Variants in HECW1 observed in about 807,000 individuals in gnomAD.
HECW1 encodes the protein HECT, C2 and WW domain containing E3 ubiquitin protein ligase 1, also known as E3 ubiquitin-protein ligase HECW1.
Under a neutral mutation model 182.3 loss-of-function variants are expected in HECW1, and 61 were observed. That is an observed-to-expected ratio of 0.33 (90% CI 0.27 to 0.41). HECW1 has a LOEUF of 0.41. HECW1 is among the 10% of genes least tolerant of loss of function. The pLI, the probability that HECW1 is intolerant of heterozygous loss-of-function variation, is 1.00. For synonymous variants in HECW1, 859 were observed against 832.6 expected (o/e 1.03, Z -0.55); for missense variants, 1,739 against 2,108.9 (o/e 0.82, Z 3.44).
At chr7:43,261,301 C>T (rs921047994) in intron 3 of HECW1, among the ~76,000 whole-genome samples, 1 of 152,176 alleles carries the variant, frequency 6.6e-6, no homozygotes, top group African/African-American at 2.4e-5. Context: ...AGCCTTATGT[C>T]TAGAGCTCCA....
At position 43,501,265 on chromosome 7, in the gene HECW1, C is replaced by T. The variant is rs371633447; in HGVS notation, c.3574C>T (p.Pro1192Ser). The T allele has an allele frequency of 3.7e-6, 6 of 1,610,428 alleles. No homozygotes were observed. Among genetic ancestry groups the T allele is most frequent in the African/African-American group, 1.3e-5 (1 of 74,340 alleles). ...SYVPLQAAFH[P>S]GYSFSPRCSP... ...CGTCCCCCTGCAGGCTGCCTTCCACCCTGGGTATAGCTTCTCTCCCCGATG... is the reference window on the plus strand; with the variant it reads ...CGTCCCCCTGCAGGCTGCCTTCCACTCTGGGTATAGCTTCTCTCCCCGATG... Residue 1192 changes from proline (P) to serine (S), a missense_variant, in exon 21 of 30, where the codon CCT becomes TCT. This residue lies in a region of HECW1 where 420 missense variants were observed against 595.7 expected (regional missense o/e 0.71). Transcript: ENST00000395891.
intron 3 of HECW1, among the ~76,000 whole-genome samples, chr7:43,270,177 G>A (rs1802235702): frequency 6.6e-6 from 1 of 152,166 alleles, no homozygotes. Context: ...ACTCAAAACA[G>A]CAATCATTTA....
chr7:43,428,940 C>CAT (rs1385590480), intron 8 of HECW1, among the ~76,000 whole-genome samples: 1 of 151,582 alleles, frequency 6.6e-6, no homozygotes, highest in Non-Finnish European at 1.5e-5. Context: ...AGACAGAATA[C>CAT]ATATATGTGT....
At chr7:43,284,741 T>A (rs1362900570) in intron 3 of HECW1, among the ~76,000 whole-genome samples, 1 of 152,184 alleles carries the variant, frequency 6.6e-6, no homozygotes, top group Non-Finnish European at 1.5e-5. Flanking sequence ...CTATTCTTAA[T>A]AAAATAATAA....
At chr7:43,476,668 A>AGTATTTATAAGAAAT (rs1229970014) in intron 16 of HECW1, among the ~76,000 whole-genome samples, 4 of 152,176 alleles carry the variant, frequency 2.6e-5, no homozygotes, top group African/African-American at 9.6e-5. Context: ...GAAACACAGT[A>AGTATTTATAAGAAAT]GTATTTATAA....
At chr7:43,362,455 T>A (rs1353687719) in intron 6 of HECW1, among the ~76,000 whole-genome samples, 1 of 152,164 alleles carries the variant, frequency 6.6e-6, no homozygotes, top group Non-Finnish European at 1.5e-5. Context: ...TTTCCCTCAC[T>A]GGCCATGCAG....
At position 43,444,693 on chromosome 7, in the gene HECW1, G is replaced by A. The variant is rs748185438; in HGVS notation, c.1521G>A (p.Glu507=). The change falls in exon 11 of 30, where the codon GAG becomes GAA. Residue 507 remains glutamate, a synonymous_variant. Transcript: ENST00000395891. The surrounding 1 kb of genome is among the most constrained non-coding windows in gnomAD (Gnocchi z 4.3). ...GGGAAGAAGAGGAGAAGGAGCAGGA[G>A]GAGGAGGGAGATGTGTCTACCCTGG... ...AGREEEEKEQ[E]EEGDVSTLEQ... is the part of the protein sequence containing the mutation. 11 of 1,607,932 alleles carry A rather than the reference G, an allele frequency of 6.8e-6. No individual in the cohort carries two copies. The East Asian group carries it at 2.2e-4, about 33-fold the overall frequency.
intron 7 of HECW1, among the ~76,000 whole-genome samples, chr7:43,398,339 G>A (rs1025607255): frequency 6.6e-6 from 1 of 152,106 alleles, no homozygotes; most frequent in African/African-American, 2.4e-5. Flanking sequence ...ACAAAGCTCA[G>A]GGCTTCACAC....
intron 5 of HECW1, among the ~76,000 whole-genome samples, chr7:43,327,144 C>T (rs919741591): frequency 2.0e-5 from 3 of 151,978 alleles, no homozygotes; most frequent in Admixed American, 6.6e-5. Context: ...GGGCCATAGG[C>T]GCTAAGCCCT....
intron 6 of HECW1, among the ~76,000 whole-genome samples, chr7:43,372,925 C>T (rs528452988): frequency 6.6e-6 from 1 of 152,178 alleles, no homozygotes; most frequent in South Asian, 2.1e-4. Context: ...TTAGTCTACC[C>T]ATCAACCCCA....
At chr7:43,474,136 C>T (rs891078778) in intron 16 of HECW1, among the ~76,000 whole-genome samples, 4 of 152,060 alleles carry the variant, frequency 2.6e-5, no homozygotes, top group African/African-American at 9.7e-5. Context: ...TAATATAATA[C>T]AAAGGGGAGT....
At chr7:43,359,681 T>C (rs1815624462) in intron 5 of HECW1, among the ~76,000 whole-genome samples, 1 of 152,236 alleles carries the variant, frequency 6.6e-6, no homozygotes. Flanking sequence ...ATCTTCATTT[T>C]TCGTATTTTC....
At chr7:43,215,410 A>G (rs1001357205) in intron 2 of HECW1, among the ~76,000 whole-genome samples, 2 of 152,224 alleles carry the variant, frequency 1.3e-5, no homozygotes, top group Non-Finnish European at 2.9e-5. Flanking sequence ...ACGTAATGCT[A>G]TGGATTCCAC....
At chr7:43,142,896 T>C (rs114126980) in intron 2 of HECW1, among the ~76,000 whole-genome samples, 1,708 of 148,286 alleles carry the variant, frequency 0.012, 31 homozygotes, top group African/African-American at 0.04. Flanking sequence ...AGGTCCCAGA[T>C]CTGTAAAATC....
chr7:43,168,406 T>C (rs775710121), intron 2 of HECW1, among the ~76,000 whole-genome samples: 11 of 152,164 alleles, frequency 7.2e-5, no homozygotes, highest in Admixed American at 3.3e-4. Context: ...GCTTGTAATC[T>C]CAACAATTTG....
Position 43,451,662 on chromosome 7 carries a change from T to C in HECW1, c.2500+733T>C, listed in dbSNP as rs577152345. ...TGACCTAGATAGTCTCTAGATACCA[T>C]TCTAGCTTTAACTTCATAATACTCC... On this transcript the variant is annotated intron_variant, in intron 12 of 29. Coordinates refer to ENST00000395891, the MANE Select transcript of HECW1 (RefSeq NM_015052.5). Among the ~76,000 whole-genome samples the C allele has an allele frequency of 3.9e-5, 6 of 152,332 alleles. No individual in the cohort carries two copies. The East Asian group carries it at 1.2e-3, about 29-fold the overall frequency.
chr7:43,170,028 C>T (rs937327973), intron 2 of HECW1, among the ~76,000 whole-genome samples: 3 of 152,174 alleles, frequency 2.0e-5, no homozygotes, highest in Non-Finnish European at 2.9e-5. Flanking sequence ...CCCCAACCCC[C>T]GGGCCATGGG....
chr7:43,429,889 T>A (rs912066245), intron 8 of HECW1, among the ~76,000 whole-genome samples: 3 of 152,226 alleles, frequency 2.0e-5, no homozygotes, highest in African/African-American at 7.2e-5. Context: ...CAAAGCTAGA[T>A]GCCAGTCTAA....
At chr7:43,334,211 C>T (rs1249089075) in intron 5 of HECW1, among the ~76,000 whole-genome samples, 5 of 152,060 alleles carry the variant, frequency 3.3e-5, no homozygotes, top group African/African-American at 1.2e-4. Flanking sequence ...TCTTATCTAC[C>T]CAGGACCAAT....
Sources: gnomAD v4.1 joint callset for allele counts (sites outside exome capture counted in the v4.1 genomes callset) on GRCh38, gnomAD v4.1.1 for gene constraint, gnomAD v4.1.1 regional missense constraint, Gnocchi (gnomAD v3.1) non-coding constraint, MANE v1.5 for transcripts, NCBI Gene and HGNC (gene_info 2026-07-23, HGNC 2026-07-21) for gene names.